Variants in PEAK1 observed in about 807,000 individuals in gnomAD.
PEAK1 encodes the protein inactive tyrosine-protein kinase PEAK1.
In PEAK1, 54 loss-of-function variants were observed where a neutral mutation model predicts 124.7. That is an observed-to-expected ratio of 0.43 (90% CI 0.35 to 0.54). PEAK1 has a LOEUF of 0.54. Among genes scored for constraint, PEAK1 ranks in the 20% least tolerant of loss-of-function variants. PEAK1 has a pLI of 0.01. For missense variants in PEAK1, 2,046 were observed against 2,134.5 expected (o/e 0.96, Z 0.82); for synonymous variants, 719 against 760.0 (o/e 0.95, Z 0.89).
intron 5 of PEAK1, among the ~76,000 whole-genome samples, chr15:77,259,601 C>T (rs2061336556): frequency 6.6e-6 from 1 of 152,168 alleles, no homozygotes; most frequent in African/African-American, 2.4e-5. Context: ...ACCTATTCTA[C>T]AATAATTCAA....
exon 7 of PEAK1, chr15:77,101,068 A>C (rs1354745306): frequency 6.6e-6 from 1 of 152,394 alleles, no homozygotes; most frequent in Non-Finnish European, 1.5e-5. Context: ...AGGGGCCCTC[A>C]ACAGCTGCTT....
intron 7 of PEAK1, among the ~76,000 whole-genome samples, chr15:77,162,791 C>G (rs1018695489): frequency 6.6e-6 from 1 of 152,116 alleles, no homozygotes; most frequent in Non-Finnish European, 1.5e-5. Context: ...AAATTTCCCC[C>G]ATTTCATCCA....
chr15:77,397,050 A>G (rs993030465), intron 1 of PEAK1, among the ~76,000 whole-genome samples: 48 of 152,344 alleles, frequency 3.2e-4, no homozygotes, highest in African/African-American at 1.1e-3. Context: ...AGGATAGGTC[A>G]TATGTTAGGC....
intron 5 of PEAK1, among the ~76,000 whole-genome samples, chr15:77,256,402 T>C (rs895246072): frequency 6.6e-6 from 1 of 151,060 alleles, no homozygotes; most frequent in African/African-American, 2.5e-5. Context: ...TAGCGAATAG[T>C]TTCAGGTAAA....
chr15:77,138,679 C>G (rs1383397954), intron 8 of PEAK1, among the ~76,000 whole-genome samples: 1 of 152,086 alleles, frequency 6.6e-6, no homozygotes, highest in East Asian at 1.9e-4. Context: ...GCCTGGCCAA[C>G]ATGGAAACCG....
chr15:77,401,779 TG>T, intron 1 of PEAK1: 1 of 985,130 alleles, frequency 1.0e-6, no homozygotes, highest in Non-Finnish European at 1.2e-6. Context: ...TGATCTGTAT[TG>T]GAATTTTAAA....
chr15:77,118,756 C>T (rs1215718267), intron 9 of PEAK1, among the ~76,000 whole-genome samples: 1 of 152,104 alleles, frequency 6.6e-6, no homozygotes, highest in Non-Finnish European at 1.5e-5. Context: ...CCTAGGACCC[C>T]CAAAATTTAA....
chr15:77,185,456 A>G (rs934204394), intron 6 of PEAK1, among the ~76,000 whole-genome samples: 1 of 152,242 alleles, frequency 6.6e-6, no homozygotes, highest in Non-Finnish European at 1.5e-5. Context: ...ATGACACAGA[A>G]GCCAGATGAG....
At chr15:77,340,826 G>A (rs2066484022) in intron 2 of PEAK1, among the ~76,000 whole-genome samples, 1 of 152,012 alleles carries the variant, frequency 6.6e-6, no homozygotes, top group South Asian at 2.1e-4. Context: ...TGGACTTCAG[G>A]AGTCTCCAGA....
intron 6 of PEAK1, among the ~76,000 whole-genome samples, chr15:77,251,478 A>G (rs143682606): frequency 0.015 from 2,343 of 152,358 alleles, 34 homozygotes; most frequent in Middle Eastern, 0.034. Context: ...GATTATATTA[A>G]AATAAGATCT....
chr15:77,190,946 T>C (rs1417060395), intron 6 of PEAK1, among the ~76,000 whole-genome samples: 1 of 152,254 alleles, frequency 6.6e-6, no homozygotes, highest in Non-Finnish European at 1.5e-5. Flanking sequence ...GGTTTTTTTG[T>C]ACTTAACTTT....
intron 4 of PEAK1, 88 bp from the exon 5 acceptor site, chr15:77,284,118 G>T: frequency 1.6e-6 from 1 of 616,922 alleles, no homozygotes. Context: ...ATCTGGTCAT[G>T]TAAACAATGA....
intron 6 of PEAK1, among the ~76,000 whole-genome samples, chr15:77,231,273 G>A (rs931144186): frequency 6.6e-6 from 1 of 152,028 alleles, no homozygotes; most frequent in Non-Finnish European, 1.5e-5. Context: ...AGTATAATAG[G>A]CTCCACTAAT....
chr15:77,279,011 A>C (rs961299702), intron 5 of PEAK1, among the ~76,000 whole-genome samples: 1 of 151,716 alleles, frequency 6.6e-6, no homozygotes, highest in Admixed American at 6.6e-5. Flanking sequence ...TTGTATTTTT[A>C]GTAGAGGTGG....
chr15:77,241,698 T>TA (rs930586113), intron 6 of PEAK1, among the ~76,000 whole-genome samples: 12 of 149,478 alleles, frequency 8.0e-5, no homozygotes, highest in East Asian at 3.9e-4. Flanking sequence ...AAACCAAAAT[T>TA]AAAAAAAAAT....
intron 2 of PEAK1, among the ~76,000 whole-genome samples, chr15:77,325,197 T>C (rs187474570): frequency 7.8e-4 from 119 of 152,178 alleles, no homozygotes; most frequent in African/African-American, 2.8e-3. Flanking sequence ...GGTGGGAGAA[T>C]TGCTGAGACT....
intron 1 of PEAK1, chr15:77,402,289 TA>T: frequency 1.0e-6 from 1 of 985,162 alleles, no homozygotes; most frequent in Non-Finnish European, 1.2e-6. Context: ...AGAATTGCTT[TA>T]AAATGCATAT....
At chr15:77,171,304 G>A (rs1302050479) in intron 7 of PEAK1, among the ~76,000 whole-genome samples, 2 of 152,070 alleles carry the variant, frequency 1.3e-5, no homozygotes, top group African/African-American at 2.4e-5. Flanking sequence ...ACATTTAAAT[G>A]AGAAACTGGA....
intron 2 of PEAK1, chr15:77,335,342 G>T (rs1309129750): frequency 9.1e-6 from 9 of 985,268 alleles, no homozygotes; most frequent in African/African-American, 1.7e-5. Context: ...TAATACACAT[G>T]CAGTGTTTTT....
Sources: gnomAD v4.1 joint callset for allele counts (sites outside exome capture counted in the v4.1 genomes callset) on GRCh38, gnomAD v4.1.1 for gene constraint, MANE v1.5 for transcripts, NCBI Gene and HGNC (gene_info 2026-07-23, HGNC 2026-07-21) for gene names.